Variants in RORC observed in about 807,000 individuals in gnomAD.
The protein encoded by RORC is RAR related orphan receptor C.
Under a neutral mutation model 64.5 loss-of-function variants are expected in RORC, and 13 were observed. The observed-to-expected ratio is 0.20, with a 90% CI of 0.13 to 0.32. The LOEUF is 0.32. Ranked by LOEUF, RORC falls within the 10% of genes least tolerant of loss-of-function variation. RORC has a pLI of 1.00. For missense variants in RORC, 468 were observed against 669.5 expected (o/e 0.70, Z 3.32); for synonymous variants, 277 against 259.3 (o/e 1.07, Z -0.65).
chr1:151,818,955 G>C (rs1466463909), intron 2 of RORC, among the ~76,000 whole-genome samples: 1 of 152,158 alleles, frequency 6.6e-6, no homozygotes, highest in Non-Finnish European at 1.5e-5. Flanking sequence ...GTCAGAGGCA[G>C]TAGCTGACCC....
intron 1 of RORC, among the ~76,000 whole-genome samples, chr1:151,829,894 T>C (rs1031120959): frequency 5.3e-5 from 8 of 152,264 alleles, no homozygotes; most frequent in African/African-American, 1.9e-4. Flanking sequence ...ACCTAACTGC[T>C]GTAATTGTGT....
In RORC at chr1:151,817,181, T is replaced by C; in HGVS notation, c.156+14A>G. 2 of 1,594,360 alleles carry C rather than the reference T, an allele frequency of 1.3e-6. No individual in the cohort carries two copies. The highest frequency in any genetic ancestry group is 1.7e-6 in the Non-Finnish European group (2 of 1,162,108). On this transcript the variant is annotated intron_variant, in intron 3 of 10. Coordinates refer to ENST00000318247, the MANE Select transcript of RORC (RefSeq NM_005060.4). The stretch of plus-strand genomic sequence containing the variant: ...ACACGCACACATGCATGCATACACA[T>C]GCCTATGACTCACCTTGCACCCCTC...
chr1:151,813,046 G>A lies in RORC; in HGVS notation c.1186C>T (p.Leu396Phe). ...ELFRALGCSELISSIFDFSHS... is the reference protein window; with the variant it reads ...ELFRALGCSEFISSIFDFSHS... ...GAGAAGTCAAAGATGGAGCTGATGA[G>A]CTCGCTGCAGCCTGATGGAGTGGAA... The change falls in exon 9 of 11, where the codon CTC becomes TTC. Residue 396 changes from leucine (L) to phenylalanine (F), a missense_variant. This residue lies in a region of RORC where 100 missense variants were observed against 190.8 expected (regional missense o/e 0.52). Coordinates refer to ENST00000318247, the MANE Select transcript of RORC (RefSeq NM_005060.4). The A allele has an allele frequency of 6.2e-7, 1 of 1,612,834 alleles. No homozygotes were observed.
At chr1:151,829,357 C>T (rs1652320480) in intron 2 of RORC, 72 bp downstream of exon 2, 1 of 1,422,090 alleles carries the variant, frequency 7.0e-7, no homozygotes, top group African/African-American at 1.5e-5. Flanking sequence ...AGTCCCCCCA[C>T]AGATCACTTG....
chr1:151,823,263 A>T (rs1346649037), intron 2 of RORC, among the ~76,000 whole-genome samples: 1 of 152,130 alleles, frequency 6.6e-6, no homozygotes, highest in African/African-American at 2.4e-5. Flanking sequence ...AAGAAAGATC[A>T]GCTCATAGAC....
intron 1 of RORC, 160 bp downstream of exon 1, chr1:151,831,565 T>C (rs1412880487): frequency 3.1e-5 from 25 of 811,416 alleles, no homozygotes; most frequent in Admixed American, 6.2e-5. Context: ...CTCCTCCTGT[T>C]TCTCCTCCAG....
At chr1:151,828,824 C>T (rs1652292036) in intron 2 of RORC, among the ~76,000 whole-genome samples, 1 of 152,086 alleles carries the variant, frequency 6.6e-6, no homozygotes, top group Non-Finnish European at 1.5e-5. Flanking sequence ...ACTAAAAATA[C>T]AAAAATTAGC....
chr1:151,820,245 G>A (rs144531611), intron 2 of RORC, among the ~76,000 whole-genome samples: 1 of 152,110 alleles, frequency 6.6e-6, no homozygotes, highest in Non-Finnish European at 1.5e-5. Flanking sequence ...GAGAAGGGGT[G>A]GGGGAGAACG....
At chr1:151,825,893 C>T in intron 2 of RORC, 3 of 1,613,102 alleles carry the variant, frequency 1.9e-6, no homozygotes, top group Non-Finnish European at 2.5e-6. Flanking sequence ...CGACAGGGTC[C>T]AGGCTCCCCC....
At position 151,815,081 on chromosome 1, in the gene RORC, C is replaced by T; in HGVS notation, c.643G>A (p.Glu215Lys). 1 of 1,614,238 alleles carries T rather than the reference C, an allele frequency of 6.2e-7. No individual in the cohort carries two copies. Among genetic ancestry groups the T allele is most frequent in the South Asian group, 1.1e-5 (1 of 91,084 alleles). Residue 215 changes from glutamate (E) to lysine (K), a missense_variant, in exon 5 of 11, where the codon GAG (glutamate) becomes AAG (lysine). Coordinates refer to ENST00000318247, the MANE Select transcript of RORC (RefSeq NM_005060.4). ...TGGCTGCCTGTGCTATAGAAGCTCTCTCTGCCCTCAGCCTTGCCCCGCTCA... is the reference window on the plus strand; with the variant it reads ...TGGCTGCCTGTGCTATAGAAGCTCTTTCTGCCCTCAGCCTTGCCCCGCTCA... ...SPERGKAEGR[E>K]SFYSTGSQLT... is the part of the protein sequence containing the mutation.
intron 5 of RORC, 105 bp downstream of exon 5, chr1:151,814,808 G>A (rs1651691486): frequency 1.1e-5 from 17 of 1,544,754 alleles, no homozygotes; most frequent in Admixed American, 9.2e-5. Flanking sequence ...TCCGCCCCTC[G>A]TCTGGACCCC....
chr1:151,817,863 G>C (rs7540034), intron 2 of RORC, among the ~76,000 whole-genome samples: 65,923 of 152,188 alleles, frequency 0.43, 15,100 homozygotes, highest in Non-Finnish European at 0.52. Context: ...GGAAACGGGG[G>C]CTCAACACCC....
chr1:151,822,356 CCA>C (rs1316089440), intron 2 of RORC, among the ~76,000 whole-genome samples: 1 of 152,208 alleles, frequency 6.6e-6, no homozygotes, highest in Non-Finnish European at 1.5e-5. Flanking sequence ...AACACTACCC[CCA>C]GCCCAGGCCA....
At position 151,815,121 on chromosome 1, in the gene RORC, G is replaced by A. The variant is rs2101658904; in HGVS notation, c.603C>T (p.His201=). 1 of 1,614,188 alleles carries A rather than the reference G, an allele frequency of 6.2e-7. No individual in the cohort carries two copies. The change falls in exon 5 of 11, where the codon CAC becomes CAT. Residue 201 remains histidine (H), a synonymous_variant. Coordinates refer to ENST00000318247, the MANE Select transcript of RORC (RefSeq NM_005060.4). ...AKAGLNGASC[H]LEYSPERGKA... is the part of the protein sequence containing the mutation. Reference sequence around the variant, plus strand: ...TGCCCCGCTCAGGGCTGTATTCAAGGTGGCATGAGGCCCCATTGAGCCCTG... The same window carrying A: ...TGCCCCGCTCAGGGCTGTATTCAAGATGGCATGAGGCCCCATTGAGCCCTG...
Position 151,807,174 on chromosome 1 carries a change from G to C in RORC, c.*298C>G, listed in dbSNP as rs139309255. The C allele has an allele frequency of 3.2e-6, 1 of 308,096 alleles. No individual in the cohort carries two copies. Among genetic ancestry groups the C allele is most frequent in the East Asian group, 5.6e-5 (1 of 17,994 alleles). The allele number at this position is 308,096 out of a possible 1,614,324, so 19.1% of individuals were successfully genotyped here. A position where few individuals can be genotyped will look rare whatever the true frequency, so the allele number is the denominator to read the frequency against. ...TTGAGGATGTCTTGGTCCCCCAGAA[G>C]TCCTTAAATCCCAGCCACCCCATGC... On this transcript the variant is annotated 3_prime_UTR_variant, in exon 11 of 11. Transcript: ENST00000318247. The surrounding 1 kb of genome is among the most constrained non-coding windows in gnomAD (Gnocchi z 5.0).
In RORC at chr1:151,830,201, C is replaced by T. The variant is rs957672878; in HGVS notation, c.41-743G>A. 7.2e-5 allele frequency among the ~76,000 whole-genome samples: 11 copies of T among 152,256 alleles called. No individual in the cohort carries two copies. The highest frequency in any genetic ancestry group is 2.6e-4 in the African/African-American group (11 of 41,534). Reference sequence around the variant, plus strand: ...CACGGGCCAGGCTTCCCTGGCCTACCAGCCTGAAGAGGAAGGCCTCCCTTC... The same window carrying T: ...CACGGGCCAGGCTTCCCTGGCCTACTAGCCTGAAGAGGAAGGCCTCCCTTC... On this transcript the variant is annotated intron_variant, in intron 1 of 10. Transcript: ENST00000318247. The surrounding 1 kb of genome is among the most constrained non-coding windows in gnomAD (Gnocchi z 4.0).
intron 9 of RORC, chr1:151,812,737 C>T (rs1307097623): frequency 4.4e-6 from 2 of 458,974 alleles, no homozygotes; most frequent in African/African-American, 3.9e-5. Flanking sequence ...CTTCCCACAA[C>T]CCCACCTTAT....
At chr1:151,813,465 C>T (rs1266363218) in intron 7 of RORC, 23 bp downstream of exon 7, 2 of 1,613,650 alleles carry the variant, frequency 1.2e-6, no homozygotes, top group African/African-American at 1.3e-5. Flanking sequence ...TGTCCCCAGG[C>T]CTGCCCACCC....
chr1:151,818,879 G>A (rs760287333), intron 2 of RORC, among the ~76,000 whole-genome samples: 7 of 152,158 alleles, frequency 4.6e-5, no homozygotes, highest in South Asian at 2.1e-4. Flanking sequence ...TGGCTTGCCC[G>A]CCATTCCCCA....
Sources: gnomAD v4.1 joint callset for allele counts (sites outside exome capture counted in the v4.1 genomes callset) on GRCh38, gnomAD v4.1.1 for gene constraint, gnomAD v4.1.1 regional missense constraint, Gnocchi (gnomAD v3.1) non-coding constraint, MANE v1.5 for transcripts, NCBI Gene and HGNC (gene_info 2026-07-23, HGNC 2026-07-21) for gene names.